PRDM13: variants seen among roughly 807,000 people sequenced by gnomAD.
PRDM13 encodes the protein PR/SET domain 13.
A neutral mutation model predicts 36.4 loss-of-function variants in PRDM13; 15 were observed. The observed-to-expected ratio is 0.41, with a 90% confidence interval of 0.28 to 0.64. PRDM13 has a LOEUF of 0.64. PRDM13 is among the 30% of genes least tolerant of loss of function. The pLI is 0.29. For missense variants in PRDM13, 1,044 were observed against 1,013.5 expected, an observed-to-expected ratio of 1.03 and a Z score of -0.41; for synonymous variants, 531 against 467.7, an observed-to-expected ratio of 1.14 and a Z score of -1.75.
chr6:99,607,153 G>T lies in PRDM13; in HGVS notation c.119G>T (p.Arg40Leu), dbSNP rs752925492. ...TFKLGKYLSDRREPGPKKKVR... is the reference protein window; with the variant it reads ...TFKLGKYLSDLREPGPKKKVR... Reference sequence around the variant, plus strand: ...AAGCTGGGCAAGTACCTGTCAGACCGCAGGGAGCCCGGGCCTAAGAAAAAG... The same window carrying T: ...AAGCTGGGCAAGTACCTGTCAGACCTCAGGGAGCCCGGGCCTAAGAAAAAG... Residue 40 changes from arginine (R) to leucine (L), a missense_variant, in exon 1 of 4, where the codon CGC becomes CTC. Physicochemically the swap from Arg to Leu is moderately radical, Grantham distance 102. Around this residue, in one of 3 missense-constraint regions of PRDM13, gnomAD observed 921 missense variants for 865.2 expected, o/e 1.06. Transcript: ENST00000369215. The T allele has an allele frequency of 6.2e-7, 1 of 1,613,804 alleles. No individual in the cohort carries two copies. The highest frequency in any genetic ancestry group is 8.5e-7 in the Non-Finnish European group (1 of 1,179,976).
intron 3 of PRDM13, among the ~76,000 whole-genome samples, chr6:99,611,636 G>A (rs541755643): frequency 6.8e-4 from 104 of 152,224 alleles, no homozygotes; most frequent in Non-Finnish European, 1.4e-3. Flanking sequence ...GGTAGGGGTG[G>A]GAGCTACTTG....
rs1359289143 is a variant in PRDM13, at chr6:99,611,298, TGA to T, written c.398-1733_398-1732del. 4.6e-5 allele frequency among the ~76,000 whole-genome samples: 7 copies of T among 152,228 alleles called. No homozygotes were observed. The East Asian group carries it at 1.4e-3, about 29-fold the overall frequency. ...AAGCTTATGTGGCTTTGCATTGAGC[TGA>T]GTCATTCTGCGGCAGACTCTGAAAA... On this transcript the variant is annotated intron_variant, in intron 3 of 3. Transcript: ENST00000369215.
Position 99,614,866 on chromosome 6 carries a change from CG to C in PRDM13, c.*108del. The C allele has an allele frequency of 7.1e-7, 1 of 1,413,734 alleles. No homozygotes were observed. The allele number at this position is 1,413,734 out of a possible 1,614,324, so 87.6% of individuals were successfully genotyped here. A position where few individuals can be genotyped will look rare whatever the true frequency, so the allele number is the denominator to read the frequency against. On this transcript the variant is annotated 3_prime_UTR_variant, in exon 4 of 4. Coordinates refer to ENST00000369215, the MANE Select transcript of PRDM13 (RefSeq NM_021620.4). Reference sequence around the variant, plus strand: ...GGAAGAGGGACCCAATGGACAAAACCGTTTTTGTTTTTGAGAGGGCGCCAGA... The same window carrying C: ...GGAAGAGGGACCCAATGGACAAAACCTTTTTGTTTTTGAGAGGGCGCCAGA...
rs775532316 is a variant in PRDM13, at chr6:99,614,552, T to G, written c.1917T>G (p.Leu639=). 7.4e-6 allele frequency: 12 copies of G among 1,612,788 alleles called. No homozygotes were observed. The highest frequency in any genetic ancestry group is 1.0e-5 in the Non-Finnish European group (12 of 1,179,942). The change falls in exon 4 of 4, where the codon CTT becomes CTG. Residue 639 remains leucine (L), a synonymous_variant. Coordinates refer to ENST00000369215, the MANE Select transcript of PRDM13 (RefSeq NM_021620.4). ...GCTGCGAGTTCTGCGGCAAGGTACT[T>G]GTGCGCCGCCGGGACCTGGAGCGAC... is the stretch of plus-strand genomic sequence containing the variant. ...PYRCEFCGKV[L]VRRRDLERHV... is the part of the protein sequence containing the mutation.
Position 99,613,759 on chromosome 6 carries a change from C to T in PRDM13, c.1124C>T (p.Pro375Leu). 6.7e-7 allele frequency: 1 copy of T among 1,494,806 alleles called. No individual in the cohort carries two copies. The highest frequency in any genetic ancestry group is 8.9e-7 in the Non-Finnish European group (1 of 1,129,300). 92.6% of individuals were successfully genotyped at this position (1,494,806 alleles called of 1,614,324 possible). ...KCLLAGDPPP[P>L]PPPGLPCSGA... ...CTGCTCGCTGGGGACCCGCCGCCGC[C>T]GCCGCCGCCTGGCCTGCCCTGCTCT... is the stretch of plus-strand genomic sequence containing the variant. Residue 375 changes from proline to leucine, a missense_variant, in exon 4 of 4, where the codon CCG becomes CTG. Physicochemically the swap from Pro to Leu is moderately conservative, Grantham distance 98. This residue lies in a region of PRDM13 where 921 missense variants were observed against 865.2 expected (regional missense o/e 1.06). Transcript: ENST00000369215. The surrounding 1 kb of genome is among the most constrained non-coding windows in gnomAD (Gnocchi z 6.1).
chr6:99,608,959 G>C (rs947228744), intron 2 of PRDM13, 87 bp downstream of exon 2: 17 of 1,509,914 alleles, frequency 1.1e-5, no homozygotes, highest in Non-Finnish European at 1.4e-5. Flanking sequence ...AAAATATTAA[G>C]AGCAAAGTAC....
chr6:99,607,677 A>C (rs1769968565), intron 1 of PRDM13, among the ~76,000 whole-genome samples: 2 of 151,706 alleles, frequency 1.3e-5, no homozygotes, highest in Non-Finnish European at 2.9e-5. Context: ...AGTTCCTAGA[A>C]CCTCCTCAGA....
In PRDM13 at chr6:99,614,007, G is replaced by A. The variant is rs754976742; in HGVS notation, c.1372G>A (p.Val458Ile). Residue 458 changes from valine to isoleucine, a missense_variant, in exon 4 of 4, where the codon GTC becomes ATC. This residue lies in a region of PRDM13 where 921 missense variants were observed against 865.2 expected (regional missense o/e 1.06). Transcript: ENST00000369215. ...TGGTGAGTGCAGCCACCTGCCCGCC[G>A]TCATGCCGGCCTTTACAGTCTACAA... is the stretch of plus-strand genomic sequence containing the variant. ...PGGECSHLPA[V>I]MPAFTVYNGE... 1 of 1,609,768 alleles carries A rather than the reference G, an allele frequency of 6.2e-7. No homozygotes were observed. The highest frequency in any genetic ancestry group is 8.5e-7 in the Non-Finnish European group (1 of 1,178,910).
chr6:99,614,255 C>T lies in PRDM13; in HGVS notation c.1620C>T (p.Arg540=), dbSNP rs758741996. Residue 540 remains arginine (R), a synonymous_variant, in exon 4 of 4, where the codon CGC becomes CGT. Transcript: ENST00000369215. ...SEMAAGKGRG[R]LDSGTLPPAV... is the part of the protein sequence containing the mutation. ...TGGCTGCCGGGAAGGGTCGCGGACGCCTGGACTCGGGGACGTTGCCACCGG... is the reference window on the plus strand; with the variant it reads ...TGGCTGCCGGGAAGGGTCGCGGACGTCTGGACTCGGGGACGTTGCCACCGG... 1 of 1,608,984 alleles carries T rather than the reference C, an allele frequency of 6.2e-7. No homozygotes were observed. Among genetic ancestry groups the T allele is most frequent in the Non-Finnish European group, 8.5e-7 (1 of 1,178,416 alleles).
Position 99,606,961 on chromosome 6 carries a change from A to T in PRDM13, c.-74A>T, listed in dbSNP as rs913617719. 4.1e-6 allele frequency: 6 copies of T among 1,462,784 alleles called. No individual in the cohort carries two copies. In the African/African-American group the frequency reaches 7.2e-5, roughly 18 times the overall value. 90.6% of individuals were successfully genotyped at this position (1,462,784 alleles called of 1,614,324 possible). A position where few individuals can be genotyped will look rare whatever the true frequency, so the allele number is the denominator to read the frequency against. ...GGGCGCGGCTCTCTGGCTAGCGCGC[A>T]GCTCCAGCTCTGTCACTCGCGCCCT... On this transcript the variant is annotated 5_prime_UTR_variant, in exon 1 of 4. Coordinates refer to ENST00000369215, the MANE Select transcript of PRDM13 (RefSeq NM_021620.4).
Position 99,615,419 on chromosome 6 carries a change from T to A in PRDM13, c.*660T>A, listed in dbSNP as rs1441187952. On this transcript the variant is annotated 3_prime_UTR_variant, in exon 4 of 4. Coordinates refer to ENST00000369215, the MANE Select transcript of PRDM13 (RefSeq NM_021620.4). ...AGCATGAATCTAAGAGCACGCAATA[T>A]ATAATTTTAAAGAAAATATTCTATT... 1 of 152,726 alleles carries A rather than the reference T, an allele frequency of 6.5e-6. No individual in the cohort carries two copies. The highest frequency in any genetic ancestry group is 1.5e-5 in the Non-Finnish European group (1 of 68,104). 9.5% of individuals were successfully genotyped at this position (152,726 alleles called of 1,614,324 possible). A position where few individuals can be genotyped will look rare whatever the true frequency, so the allele number is the denominator to read the frequency against.
intron 3 of PRDM13, among the ~76,000 whole-genome samples, chr6:99,611,973 T>A (rs1325438231): frequency 2.0e-5 from 3 of 152,188 alleles, no homozygotes; most frequent in Non-Finnish European, 4.4e-5. Flanking sequence ...GATCAGAATG[T>A]CTCATATATG....
intron 2 of PRDM13, 46 bp from the exon 3 acceptor site, chr6:99,609,141 A>G: frequency 6.2e-7 from 1 of 1,604,794 alleles, no homozygotes; most frequent in Non-Finnish European, 8.5e-7. Flanking sequence ...TTTTTGACCG[A>G]TTACCCAGGA....
At chr6:99,607,934 T>C (rs1421916510) in intron 1 of PRDM13, among the ~76,000 whole-genome samples, 1 of 152,228 alleles carries the variant, frequency 6.6e-6, no homozygotes, top group Non-Finnish European at 1.5e-5. Context: ...GAGAGACTTA[T>C]AGCACTCGCC....
rs1172505405 is a variant in PRDM13 at position 99,615,052 on chromosome 6, GTCTGC to G, written c.*297_*301del. On this transcript the variant is annotated 3_prime_UTR_variant, in exon 4 of 4. Transcript: ENST00000369215. ...GAGCTCACCCTGAACCGCCCAGGCG[GTCTGC>G]TCTTGGTGTTCAGAATCACATCAAT... The G allele has an allele frequency of 2.2e-6, 1 of 460,270 alleles. No individual in the cohort carries two copies. Among genetic ancestry groups the G allele is most frequent in the Non-Finnish European group, 3.8e-6 (1 of 262,160 alleles). The allele number at this position is 460,270 out of a possible 1,614,324, so 28.5% of individuals were successfully genotyped here.
At position 99,607,043 on chromosome 6, in the gene PRDM13, A is replaced by G. The variant is rs942004535; in HGVS notation, c.9A>G (p.Gly3=). The change falls in exon 1 of 4, where the codon GGA becomes GGG. Residue 3 remains glycine (G), a synonymous_variant. Coordinates refer to ENST00000369215, the MANE Select transcript of PRDM13 (RefSeq NM_021620.4). ...TGGTGGCGGCGGCAACAATGCACGG[A>G]GCCGCCAGAGCGCCAGCCACCAGCG... MH[G]AARAPATSVS... is the part of the protein sequence containing the mutation. 6.2e-7 allele frequency: 1 copy of G among 1,610,344 alleles called. No individual in the cohort carries two copies. The highest frequency in any genetic ancestry group is 8.5e-7 in the Non-Finnish European group (1 of 1,178,590).
chr6:99,607,968 C>T (rs898253505), intron 1 of PRDM13, among the ~76,000 whole-genome samples: 5 of 152,222 alleles, frequency 3.3e-5, no homozygotes, highest in Non-Finnish European at 7.3e-5. Flanking sequence ...TCCCAGGAGC[C>T]AAAGGTCGGC....
rs977089251 is a variant in PRDM13 at position 99,614,032 on chromosome 6, A to G, written c.1397A>G (p.Asn466Ser). Residue 466 changes from asparagine (N) to serine (S), a missense_variant, in exon 4 of 4, where the codon AAC becomes AGC. Asn to Ser is a conservative substitution (Grantham distance 46, BLOSUM62 1). Transcript: ENST00000369215. Reference protein sequence around the residue: ...PAVMPAFTVYNGELLYGSPAT... With the variant: ...PAVMPAFTVYSGELLYGSPAT... ...GTCATGCCGGCCTTTACAGTCTACA[A>G]CGGGGAGCTGCTCTACGGCTCACCG... The G allele has an allele frequency of 6.2e-7, 1 of 1,610,642 alleles. No individual in the cohort carries two copies. Among genetic ancestry groups the G allele is most frequent in the Admixed American group, 1.7e-5 (1 of 59,818 alleles).
In PRDM13 at chr6:99,613,956, C is replaced by A; in HGVS notation, c.1321C>A (p.Pro441Thr). The change falls in exon 4 of 4, where the codon CCG becomes ACG. Residue 441 changes from proline to threonine, a missense_variant. Coordinates refer to ENST00000369215, the MANE Select transcript of PRDM13 (RefSeq NM_021620.4). The surrounding 1 kb of genome is among the most constrained non-coding windows in gnomAD (Gnocchi z 6.1). ...GCGCTGCGCGCTGCCGCCCCTCGAC[C>A]CGGGCGGTCTCAAAGCCTATCCGGG... Reference protein sequence around the residue: ...LERCALPPLDPGGLKAYPGGE... With the variant: ...LERCALPPLDTGGLKAYPGGE... The A allele has an allele frequency of 6.3e-7, 1 of 1,593,262 alleles. No homozygotes were observed. The highest frequency in any genetic ancestry group is 8.5e-7 in the Non-Finnish European group (1 of 1,173,212).
Sources: allele counts gnomAD v4.1 joint callset (sites outside exome capture counted in the v4.1 genomes callset), GRCh38; gene constraint gnomAD v4.1.1; regional missense constraint gnomAD v4.1.1; non-coding constraint Gnocchi (gnomAD v3.1); transcripts MANE v1.5; gene names NCBI Gene and HGNC (gene_info 2026-07-23, HGNC 2026-07-21).